Variants in SHROOM3 observed in about 807,000 individuals in gnomAD.
SHROOM3 encodes the protein protein Shroom3.
In SHROOM3, 47 loss-of-function variants were observed where a neutral mutation model predicts 138.6. That is an observed-to-expected ratio of 0.34 (90% CI 0.27 to 0.43). SHROOM3 has a LOEUF of 0.43. Among genes scored for constraint, SHROOM3 ranks in the 20% least tolerant of loss-of-function variants. The pLI, the probability that SHROOM3 is intolerant of heterozygous loss-of-function variation, is 1.00. For missense variants in SHROOM3, 2,491 were observed against 2,596.5 expected (o/e 0.96, Z 0.88); for synonymous variants, 1,062 against 1,063.3 (o/e 1.00, Z 0.02).
intron 2 of SHROOM3, among the ~76,000 whole-genome samples, chr4:76,635,957 T>G (rs757703407): frequency 6.6e-6 from 1 of 152,234 alleles, no homozygotes; most frequent in Non-Finnish European, 1.5e-5. Flanking sequence ...TGGTGCCTCA[T>G]GTAAAAGTTA....
intron 2 of SHROOM3, among the ~76,000 whole-genome samples, chr4:76,571,276 G>T (rs1332963679): frequency 6.6e-6 from 1 of 152,210 alleles, no homozygotes; most frequent in East Asian, 1.9e-4. Flanking sequence ...TGATACAAAA[G>T]CCCAAGCTTT....
chr4:76,571,158 A>G (rs538447631), intron 2 of SHROOM3, among the ~76,000 whole-genome samples: 1 of 152,320 alleles, frequency 6.6e-6, no homozygotes, highest in African/African-American at 2.4e-5. Context: ...AACACCAGTA[A>G]TAGGGATTAT....
chr4:76,765,312 C>T (rs1363325534), intron 9 of SHROOM3, among the ~76,000 whole-genome samples: 2 of 142,012 alleles, frequency 1.4e-5, no homozygotes, highest in African/African-American at 5.3e-5. Context: ...TCTAAGAGTT[C>T]AAGACCAGCC....
In SHROOM3 at chr4:76,739,160, G is replaced by A; in HGVS notation, c.987G>A (p.Leu329=). 7 of 1,614,156 alleles carry A rather than the reference G, an allele frequency of 4.3e-6. No individual in the cohort carries two copies. Among genetic ancestry groups the A allele is most frequent in the Non-Finnish European group, 5.9e-6 (7 of 1,180,008 alleles). ...AEYEVNSSAL[L]LQGREARASA... is the part of the protein sequence containing the mutation. ...ATGAGGTGAACTCTTCAGCCCTGCT[G>A]CTTCAAGGTAGGGAGGCCCGAGCCT... The change falls in exon 5 of 11, where the codon CTG becomes CTA. Residue 329 remains leucine (L), a synonymous_variant. Coordinates refer to ENST00000296043, the MANE Select transcript of SHROOM3 (RefSeq NM_020859.4).
At chr4:76,466,800 A>G (rs561805540) in intron 1 of SHROOM3, among the ~76,000 whole-genome samples, 15 of 152,312 alleles carry the variant, frequency 9.8e-5, no homozygotes, top group African/African-American at 3.6e-4. Flanking sequence ...CCTTTTTTGT[A>G]CATGTTTAAT....
intron 2 of SHROOM3, among the ~76,000 whole-genome samples, chr4:76,629,412 C>T (rs960386519): frequency 5.9e-5 from 9 of 152,090 alleles, no homozygotes; most frequent in African/African-American, 9.7e-5. Flanking sequence ...ACTTGCAGCC[C>T]GTTGTAAGGA....
intron 2 of SHROOM3, among the ~76,000 whole-genome samples, chr4:76,659,141 T>C (rs1286779892): frequency 2.0e-5 from 3 of 152,104 alleles, no homozygotes; most frequent in Non-Finnish European, 4.4e-5. Context: ...TCTGATTAAA[T>C]TGTCTCATTG....
intron 2 of SHROOM3, among the ~76,000 whole-genome samples, chr4:76,608,647 ATAG>A (rs1734686413): frequency 2.6e-4 from 5 of 19,474 alleles, no homozygotes; most frequent in African/African-American, 3.7e-4. Flanking sequence ...ATAGCATAGC[ATAG>A]CATAGCATAG....
At chr4:76,521,540 A>G (rs1244601006) in intron 1 of SHROOM3, among the ~76,000 whole-genome samples, 7 of 152,244 alleles carry the variant, frequency 4.6e-5, no homozygotes, top group Non-Finnish European at 8.8e-5. Context: ...TGTTAAGCTC[A>G]CATTGCATTC....
At chr4:76,748,122 GTTTC>G (rs1721502703) in intron 5 of SHROOM3, among the ~76,000 whole-genome samples, 1 of 152,138 alleles carries the variant, frequency 6.6e-6, no homozygotes, top group Non-Finnish European at 1.5e-5. Context: ...TCAGGGGTTT[GTTTC>G]TTCTGCCTGC....
chr4:76,603,132 T>C (rs1208893343), intron 2 of SHROOM3, among the ~76,000 whole-genome samples: 2 of 152,072 alleles, frequency 1.3e-5, no homozygotes, highest in East Asian at 3.9e-4. Flanking sequence ...TAAAAACACA[T>C]ACTTGGCTGG....
At chr4:76,467,610 G>A (rs993422791) in intron 1 of SHROOM3, among the ~76,000 whole-genome samples, 1 of 152,196 alleles carries the variant, frequency 6.6e-6, no homozygotes, top group Non-Finnish European at 1.5e-5. Context: ...CACTCCCTAT[G>A]TATTTTGCCA....
intron 2 of SHROOM3, among the ~76,000 whole-genome samples, chr4:76,691,342 T>G (rs1030905993): frequency 1.3e-5 from 2 of 152,134 alleles, no homozygotes; most frequent in African/African-American, 4.8e-5. Context: ...AACCTCAAAA[T>G]TGAGGAATTC....
chr4:76,541,837 G>T (rs750054526), intron 1 of SHROOM3, among the ~76,000 whole-genome samples: 4 of 152,154 alleles, frequency 2.6e-5, no homozygotes, highest in Non-Finnish European at 5.9e-5. Context: ...TCAATTTGGA[G>T]TGCAGCGGCC....
At chr4:76,720,393 T>C (rs1280251282) in intron 3 of SHROOM3, among the ~76,000 whole-genome samples, 2 of 152,090 alleles carry the variant, frequency 1.3e-5, no homozygotes, top group African/African-American at 4.8e-5. Context: ...TGTGAACATA[T>C]TATAAACATC....
chr4:76,529,441 C>T (rs765752153), intron 1 of SHROOM3, among the ~76,000 whole-genome samples: 32 of 152,012 alleles, frequency 2.1e-4, no homozygotes, highest in Non-Finnish European at 3.7e-4. Flanking sequence ...CTCAGCCTCC[C>T]GAATAGCTGG....
chr4:76,456,584 G>A (rs539334795), intron 1 of SHROOM3, among the ~76,000 whole-genome samples: 1 of 152,318 alleles, frequency 6.6e-6, no homozygotes, highest in East Asian at 1.9e-4. Flanking sequence ...GTACAAGTAT[G>A]TTTAGCTATA....
At chr4:76,737,709 G>A (rs756430779) in intron 4 of SHROOM3, among the ~76,000 whole-genome samples, 8 of 152,034 alleles carry the variant, frequency 5.3e-5, no homozygotes, top group Non-Finnish European at 1.0e-4. Flanking sequence ...CTGAGAACAT[G>A]TTCCCTAGTA....
chr4:76,465,952 A>G (rs940085303), intron 1 of SHROOM3, among the ~76,000 whole-genome samples: 1 of 152,248 alleles, frequency 6.6e-6, no homozygotes, highest in Non-Finnish European at 1.5e-5. Context: ...ACTTTTAAAT[A>G]TAAAATTTTA....
Sources: gnomAD v4.1 joint callset for allele counts (sites outside exome capture counted in the v4.1 genomes callset) on GRCh38, gnomAD v4.1.1 for gene constraint, MANE v1.5 for transcripts, NCBI Gene and HGNC (gene_info 2026-07-23, HGNC 2026-07-21) for gene names.